NOVA1: variants seen among roughly 807,000 people sequenced by gnomAD.
NOVA1 encodes NOVA alternative splicing regulator 1.
A neutral mutation model predicts 38.0 loss-of-function variants in NOVA1; 7 were observed. The observed-to-expected ratio is 0.18, with a 90% confidence interval of 0.10 to 0.35. The LOEUF is 0.35. Among genes scored for constraint, NOVA1 ranks in the 10% least tolerant of loss-of-function variants. NOVA1 has a pLI of 1.00. For missense variants in NOVA1, 460 were observed against 616.0 expected (o/e 0.75, Z 2.68); for synonymous variants, 270 against 232.5 (o/e 1.16, Z -1.47).
intron 2 of NOVA1, among the ~76,000 whole-genome samples, chr14:26,570,263 C>T (rs1043875899): frequency 6.6e-6 from 1 of 152,026 alleles, no homozygotes; most frequent in Non-Finnish European, 1.5e-5. Flanking sequence ...AGGAAAACAG[C>T]TTGAACCTGG....
intron 2 of NOVA1, among the ~76,000 whole-genome samples, chr14:26,495,592 C>A (rs2138377501): frequency 7.4e-6 from 1 of 135,070 alleles, no homozygotes; most frequent in Middle Eastern, 3.7e-3. Context: ...GTGCGCTGCA[C>A]CCACTAACTC....
At chr14:26,540,608 G>A (rs564206155) in intron 2 of NOVA1, among the ~76,000 whole-genome samples, 1 of 152,290 alleles carries the variant, frequency 6.6e-6, no homozygotes, top group South Asian at 2.1e-4. Context: ...TTTCACATTA[G>A]TAGCAAACCA....
chr14:26,594,789 T>A (rs938774498), intron 2 of NOVA1, among the ~76,000 whole-genome samples: 32 of 148,596 alleles, frequency 2.2e-4, no homozygotes, highest in Non-Finnish European at 4.2e-4. Context: ...ACTGTCAACA[T>A]ATTTAATCAA....
chr14:26,562,231 C>A (rs192152666), intron 2 of NOVA1, among the ~76,000 whole-genome samples: 7 of 152,068 alleles, frequency 4.6e-5, no homozygotes, highest in African/African-American at 1.7e-4. Context: ...ACAAGCAGTT[C>A]CTGGATTCAA....
At chr14:26,590,880 A>G (rs1893803407) in intron 2 of NOVA1, among the ~76,000 whole-genome samples, 1 of 151,798 alleles carries the variant, frequency 6.6e-6, no homozygotes, top group East Asian at 1.9e-4. Flanking sequence ...CATTATGTAT[A>G]TGATTCATGA....
intron 2 of NOVA1, among the ~76,000 whole-genome samples, chr14:26,512,016 G>A (rs1168451013): frequency 6.6e-6 from 1 of 152,038 alleles, no homozygotes; most frequent in Admixed American, 6.6e-5. Context: ...TGCTAAACTA[G>A]ATAGAACACT....
chr14:26,492,352 G>A (rs1331964698), intron 2 of NOVA1, among the ~76,000 whole-genome samples: 1 of 151,984 alleles, frequency 6.6e-6, no homozygotes, highest in East Asian at 1.9e-4. Flanking sequence ...TACCATTTTT[G>A]TTTTCTTGTC....
At chr14:26,540,284 C>T (rs929080277) in intron 2 of NOVA1, among the ~76,000 whole-genome samples, 1 of 152,126 alleles carries the variant, frequency 6.6e-6, no homozygotes, top group African/African-American at 2.4e-5. Flanking sequence ...GGAGTGCAAA[C>T]CCTATTATGA....
chr14:26,568,999 A>G (rs1197650470), intron 2 of NOVA1, among the ~76,000 whole-genome samples: 5 of 152,214 alleles, frequency 3.3e-5, no homozygotes, highest in African/African-American at 1.2e-4. Flanking sequence ...GTTCCCAACT[A>G]TAAATGACAA....
chr14:26,533,913 C>T (rs1889895099), intron 2 of NOVA1, among the ~76,000 whole-genome samples: 1 of 152,050 alleles, frequency 6.6e-6, no homozygotes. Context: ...ATGAAAAAGG[C>T]CTATCAAATA....
intron 2 of NOVA1, among the ~76,000 whole-genome samples, chr14:26,534,795 A>C (rs987124391): frequency 6.6e-6 from 1 of 152,100 alleles, no homozygotes; most frequent in African/African-American, 2.4e-5. Context: ...AAATATAATC[A>C]CAAGAGGGAG....
chr14:26,460,668 T>C (rs953691894), intron 4 of NOVA1, among the ~76,000 whole-genome samples: 1 of 151,870 alleles, frequency 6.6e-6, no homozygotes, highest in Non-Finnish European at 1.5e-5. Flanking sequence ...GAAAAACTAA[T>C]AACCAAAAAG....
rs529730938 is a variant in NOVA1 at position 26,538,622 on chromosome 14, C to A, written c.280+56788G>T. On this transcript the variant is annotated intron_variant, in intron 2 of 4. Coordinates refer to ENST00000539517, the MANE Select transcript of NOVA1 (RefSeq NM_002515.3). Reference sequence around the variant, plus strand: ...ATTTCTACTACTACAAGACTTACACCAAGACACCATAATTTCTAGCTGGGA... The same window carrying A: ...ATTTCTACTACTACAAGACTTACACAAAGACACCATAATTTCTAGCTGGGA... Among the ~76,000 whole-genome samples the A allele has an allele frequency of 5.9e-5, 9 of 152,150 alleles. No individual in the cohort carries two copies. In the East Asian group the frequency reaches 1.7e-3, roughly 29 times the overall value.
At chr14:26,464,936 A>G (rs2138221233) in intron 4 of NOVA1, among the ~76,000 whole-genome samples, 1 of 152,282 alleles carries the variant, frequency 6.6e-6, no homozygotes, top group East Asian at 1.9e-4. Context: ...TTTGATATGT[A>G]TATGATACAT....
chr14:26,526,566 T>G (rs560039038), intron 2 of NOVA1, among the ~76,000 whole-genome samples: 18 of 118,200 alleles, frequency 1.5e-4, no homozygotes, highest in African/African-American at 4.4e-4. Flanking sequence ...TTTGCTAAAT[T>G]TTAATGTTAG....
chr14:26,547,046 T>A (rs1193526761), intron 2 of NOVA1, among the ~76,000 whole-genome samples: 1 of 152,034 alleles, frequency 6.6e-6, no homozygotes, highest in African/African-American at 2.4e-5. Context: ...TAAATTAAAT[T>A]AAAATTCATA....
At chr14:26,592,212 T>C (rs1380026975) in intron 2 of NOVA1, among the ~76,000 whole-genome samples, 2 of 151,452 alleles carry the variant, frequency 1.3e-5, no homozygotes, top group Non-Finnish European at 3.0e-5. Context: ...AATATGATTA[T>C]TAACAAAAAC....
intron 4 of NOVA1, among the ~76,000 whole-genome samples, chr14:26,459,009 A>G (rs868751760): frequency 2.0e-5 from 3 of 152,044 alleles, no homozygotes; most frequent in Non-Finnish European, 4.4e-5. Context: ...TTTTTATACA[A>G]TTAGTGTGCC....
intron 1 of NOVA1, chr14:26,596,766 T>G (rs1894215906): frequency 4.0e-6 from 5 of 1,248,808 alleles, no homozygotes; most frequent in African/African-American, 1.5e-5. Flanking sequence ...ACAATCTAAG[T>G]GCGGTAAGGG....
Sources: gnomAD v4.1 joint callset for allele counts (sites outside exome capture counted in the v4.1 genomes callset) on GRCh38, gnomAD v4.1.1 for gene constraint, MANE v1.5 for transcripts, NCBI Gene and HGNC (gene_info 2026-07-23, HGNC 2026-07-21) for gene names.